GPHN: variants seen among roughly 807,000 people sequenced by gnomAD.
GPHN encodes gephyrin.
Under a neutral mutation model 95.5 loss-of-function variants are expected in GPHN, and 17 were observed. The observed-to-expected ratio is 0.18, with a 90% CI of 0.12 to 0.27. GPHN has a LOEUF of 0.27. Ranked by LOEUF, GPHN falls within the 10% of genes least tolerant of loss-of-function variation. The pLI is 1.00. For synonymous variants in GPHN, 320 were observed against 322.5 expected (o/e 0.99, Z 0.08); for missense variants, 660 against 978.1 (o/e 0.67, Z 4.34).
intron 12 of GPHN, among the ~76,000 whole-genome samples, chr14:67,100,622 A>G (rs2077648053): frequency 6.6e-6 from 1 of 152,222 alleles, no homozygotes; most frequent in South Asian, 2.1e-4. Flanking sequence ...TGGCACAATT[A>G]GGCACCAGTG....
the GPHN span, chr14:67,279,161 A>G: frequency 1.3e-6 from 2 of 1,556,588 alleles, no homozygotes; most frequent in Non-Finnish European, 1.7e-6. Flanking sequence ...ACAGGTTTTC[A>G]TAGATAACCA....
chr14:67,723,191 T>A, the GPHN span, among the ~76,000 whole-genome samples: 1 of 152,212 alleles, frequency 6.6e-6, no homozygotes, highest in Non-Finnish European at 1.5e-5. Context: ...TTTTTTGCTG[T>A]GGGATTTCTA....
At chr14:67,615,804 C>T in the GPHN span, 1,251 of 560,758 alleles carry the variant, frequency 2.2e-3, 21 homozygotes, top group South Asian at 0.023. Flanking sequence ...TTCTGTTCTG[C>T]GTGTGGCCCA....
intron 13 of GPHN, among the ~76,000 whole-genome samples, chr14:67,104,641 A>G (rs1215732460): frequency 2.0e-5 from 3 of 152,044 alleles, no homozygotes; most frequent in East Asian, 1.9e-4. Flanking sequence ...ATTTTTTGGC[A>G]TGTAGTTCTT....
At chr14:67,338,811 A>G in the GPHN span, 1 of 1,519,002 alleles carries the variant, frequency 6.6e-7, no homozygotes, top group Non-Finnish European at 9.0e-7. Flanking sequence ...TTTCAATATT[A>G]AGTAGATTTG....
the GPHN span, chr14:67,725,302 G>T: frequency 6.3e-7 from 1 of 1,595,788 alleles, no homozygotes; most frequent in Middle Eastern, 2.3e-4. Flanking sequence ...GGGTATGGGA[G>T]TGGCTGCTCC....
chr14:67,016,221 C>T (rs1243507505), intron 9 of GPHN, among the ~76,000 whole-genome samples: 2 of 151,890 alleles, frequency 1.3e-5, no homozygotes, highest in Admixed American at 6.6e-5. Flanking sequence ...TCAAAGCCTA[C>T]AGATATTTTT....
At chr14:67,620,856 T>G in the GPHN span, 1 of 1,611,976 alleles carries the variant, frequency 6.2e-7, no homozygotes, top group South Asian at 1.1e-5. Flanking sequence ...TTCCGACACC[T>G]TCTCTACCTC....
chr14:67,037,909 T>C (rs901749491), intron 10 of GPHN, among the ~76,000 whole-genome samples: 4 of 151,910 alleles, frequency 2.6e-5, no homozygotes, highest in Non-Finnish European at 5.9e-5. Flanking sequence ...CTTCAAAAAA[T>C]TAAAAATAGA....
chr14:67,615,952 A>G, the GPHN span: 1 of 441,194 alleles, frequency 2.3e-6, no homozygotes, highest in Non-Finnish European at 4.2e-6. Context: ...TACAGAAAGG[A>G]TACTGCTACA....
the GPHN span, chr14:67,454,174 G>A: frequency 6.6e-6 from 1 of 152,242 alleles, no homozygotes; most frequent in Admixed American, 6.5e-5. Context: ...ATGGTTAAAT[G>A]TTTCATGCAA....
intron 8 of GPHN, among the ~76,000 whole-genome samples, chr14:66,931,146 T>C (rs2066768741): frequency 6.6e-6 from 1 of 151,890 alleles, no homozygotes; most frequent in African/African-American, 2.4e-5. Flanking sequence ...TAAAAGTTTT[T>C]TTCCTTCAGC....
chr14:67,352,428 A>G, the GPHN span, among the ~76,000 whole-genome samples: 1 of 146,256 alleles, frequency 6.8e-6, no homozygotes, highest in South Asian at 2.1e-4. Context: ...CCTTGCCTCA[A>G]AAAAAAAAAA....
the GPHN span, among the ~76,000 whole-genome samples, chr14:67,668,501 C>T: frequency 3.3e-5 from 5 of 152,158 alleles, no homozygotes; most frequent in African/African-American, 9.7e-5. Context: ...GGAATATACC[C>T]ATTTTTAAAG....
At chr14:66,965,374 G>T in intron 9 of GPHN, 49 bp downstream of exon 9, 2 of 1,540,818 alleles carry the variant, frequency 1.3e-6, no homozygotes, top group South Asian at 1.1e-5. Context: ...ATAGTAATCT[G>T]GGAAAACTAA....
chr14:67,105,854 T>C (rs2078005719), intron 13 of GPHN, among the ~76,000 whole-genome samples: 1 of 152,168 alleles, frequency 6.6e-6, no homozygotes. Flanking sequence ...AGATGAGGAC[T>C]CCTGTCATTT....
chr14:67,200,863 T>A, the GPHN span, among the ~76,000 whole-genome samples: 1 of 152,224 alleles, frequency 6.6e-6, no homozygotes, highest in Non-Finnish European at 1.5e-5. Context: ...TTGGGGGTAG[T>A]TAGCAGTCTA....
intron 1 of GPHN, among the ~76,000 whole-genome samples, chr14:66,574,160 C>G (rs1038600511): frequency 2.0e-5 from 3 of 152,090 alleles, no homozygotes; most frequent in Non-Finnish European, 4.4e-5. Context: ...TCTTTATTCT[C>G]TTGTATCTAC....
At chr14:67,253,322 T>A in the GPHN span, among the ~76,000 whole-genome samples, 1 of 152,228 alleles carries the variant, frequency 6.6e-6, no homozygotes, top group East Asian at 1.9e-4. Flanking sequence ...TGTTATAGTC[T>A]GAGGTAATGA....
Sources: gnomAD v4.1 joint callset for allele counts (sites outside exome capture counted in the v4.1 genomes callset) on GRCh38, gnomAD v4.1.1 for gene constraint, MANE v1.5 for transcripts, NCBI Gene and HGNC (gene_info 2026-07-23, HGNC 2026-07-21) for gene names.